The following ERICH2 variants were observed in gnomAD, a reference collection of about 807,000 sequenced individuals.
ERICH2 encodes the protein glutamate-rich protein 2.
A neutral mutation model predicts 17.4 loss-of-function variants in ERICH2; 17 were observed. The ratio of observed to expected loss-of-function variants is 0.98; its 90% CI spans 0.67 to 1.47. The LOEUF is 1.47. Ranked by LOEUF, ERICH2 falls within the 40% of genes most tolerant of loss-of-function variation. The probability of loss-of-function intolerance (pLI) is 0.00; values close to 1 mark genes in which losing one functional copy is unlikely to be tolerated. For synonymous variants in ERICH2, 51 were observed against 61.1 expected, an observed-to-expected ratio of 0.83 and a Z score of 0.77; for missense variants, 186 against 183.2, an observed-to-expected ratio of 1.01 and a Z score of -0.09.
upstream of ERICH2, chr2:170,782,265 T>A (rs1701046247): frequency 1.1e-6 from 1 of 947,608 alleles, no homozygotes; most frequent in African/African-American, 1.8e-5. Flanking sequence ...CTAAGAATAT[T>A]GCAAATAAAG....
intron 2 of ERICH2, among the ~76,000 whole-genome samples, chr2:170,786,024 A>G (rs573464630): frequency 3.9e-5 from 6 of 151,992 alleles, no homozygotes; most frequent in Non-Finnish European, 8.8e-5. Context: ...AAGCCCTTCA[A>G]TACATTATTT....
chr2:170,778,319 C>G, the ERICH2 span, among the ~76,000 whole-genome samples: 10 of 152,182 alleles, frequency 6.6e-5, no homozygotes, highest in Admixed American at 5.9e-4. Flanking sequence ...AAAATTACAG[C>G]TTGAAAGTTG....
chr2:170,787,427 T>TACTA (rs1452727226), intron 2 of ERICH2, among the ~76,000 whole-genome samples: 1 of 152,208 alleles, frequency 6.6e-6, no homozygotes, highest in African/African-American at 2.4e-5. Context: ...ATAAGGACAG[T>TACTA]ACTAAGGCAG....
chr2:170,795,205 T>C (rs1235227532), intron 3 of ERICH2, among the ~76,000 whole-genome samples: 2 of 152,164 alleles, frequency 1.3e-5, no homozygotes, highest in East Asian at 1.9e-4. Flanking sequence ...CTTGAACTGC[T>C]AGGCTCAAGT....
At chr2:170,783,878 G>C (rs1309008437) in intron 1 of ERICH2, 1 of 1,550,410 alleles carries the variant, frequency 6.4e-7, no homozygotes, top group Non-Finnish European at 8.7e-7. Context: ...TAGACAGATG[G>C]CCTGAATAAC....
chr2:170,780,922 A>G (rs1701010928), upstream of ERICH2, among the ~76,000 whole-genome samples: 2 of 152,244 alleles, frequency 1.3e-5, no homozygotes, highest in South Asian at 4.1e-4. Context: ...TGAATATTTC[A>G]GTGATTCTAC....
chr2:170,797,384 T>A (rs1701450793), intron 3 of ERICH2, among the ~76,000 whole-genome samples: 1 of 152,186 alleles, frequency 6.6e-6, no homozygotes, highest in Non-Finnish European at 1.5e-5. Flanking sequence ...AGTCTCCATA[T>A]TTTGCAGAAT....
At chr2:170,788,700 A>G (rs1276848243) in intron 2 of ERICH2, among the ~76,000 whole-genome samples, 3 of 152,022 alleles carry the variant, frequency 2.0e-5, no homozygotes, top group Non-Finnish European at 4.4e-5. Context: ...GATGGTCTCA[A>G]TCTCCTGACC....
chr2:170,777,801 C>G, the ERICH2 span: 1 of 525,714 alleles, frequency 1.9e-6, no homozygotes. Context: ...CATGGATTAG[C>G]ACTTCAGCTT....
chr2:170,772,424 A>G, the ERICH2 span, among the ~76,000 whole-genome samples: 45 of 152,286 alleles, frequency 3.0e-4, no homozygotes, highest in African/African-American at 1.0e-3. Context: ...AACCTTTGCA[A>G]TTTAACTCTA....
intron 3 of ERICH2, among the ~76,000 whole-genome samples, chr2:170,795,185 C>T (rs1185471577): frequency 6.6e-6 from 1 of 152,020 alleles, no homozygotes; most frequent in African/African-American, 2.4e-5. Flanking sequence ...GCCATATTCT[C>T]CAGGCTGGTC....
intron 3 of ERICH2, among the ~76,000 whole-genome samples, chr2:170,797,305 T>C (rs1244811906): frequency 6.6e-6 from 1 of 152,218 alleles, no homozygotes; most frequent in African/African-American, 2.4e-5. Flanking sequence ...AAGGATGTCA[T>C]GTAGATGGGT....
At chr2:170,773,450 C>T in the ERICH2 span, among the ~76,000 whole-genome samples, 2 of 152,222 alleles carry the variant, frequency 1.3e-5, no homozygotes, top group East Asian at 3.8e-4. Context: ...TATCTCCAGT[C>T]CTTGAGCCCA....
intron 2 of ERICH2, 104 bp downstream of exon 7, chr2:170,784,937 C>T: frequency 8.4e-6 from 8 of 955,808 alleles, no homozygotes; most frequent in Non-Finnish European, 8.6e-6. Flanking sequence ...AAGTAGATCT[C>T]ATGGAGGCAG....
intron 2 of ERICH2, among the ~76,000 whole-genome samples, chr2:170,788,477 T>TTTATC (rs1701206830): frequency 6.6e-6 from 1 of 151,738 alleles, no homozygotes; most frequent in East Asian, 1.9e-4. Flanking sequence ...ATTTTTAATT[T>TTTATC]TTATTTTATT....
chr2:170,796,423 TC>T (rs1442212902), intron 3 of ERICH2, among the ~76,000 whole-genome samples: 24 of 64,030 alleles, frequency 3.7e-4, no homozygotes, highest in South Asian at 1.7e-3. Context: ...TCTCTCTCTC[TC>T]TTTGTTTTTT....
intron 2 of ERICH2, among the ~76,000 whole-genome samples, chr2:170,792,172 G>T (rs542538860): frequency 1.3e-5 from 2 of 152,136 alleles, no homozygotes; most frequent in South Asian, 4.2e-4. Flanking sequence ...ACAATCCATG[G>T]TTTATTTTTT....
the ERICH2 span, chr2:170,771,134 G>C: frequency 1.3e-5 from 2 of 154,686 alleles, no homozygotes; most frequent in Non-Finnish European, 2.9e-5. The surrounding 1 kb of genome is among the most constrained non-coding windows in gnomAD (Gnocchi z 4.8). Flanking sequence ...AGCTAGCCGG[G>C]CTGGCTCTCG....
At chr2:170,784,200 A>G (rs1298435026) in intron 1 of ERICH2, among the ~76,000 whole-genome samples, 2 of 152,218 alleles carry the variant, frequency 1.3e-5, no homozygotes, top group Non-Finnish European at 2.9e-5. Context: ...TCAAACTGTG[A>G]AAGACTTCCA....
Sources: allele counts gnomAD v4.1 joint callset (sites outside exome capture counted in the v4.1 genomes callset), GRCh38; gene constraint gnomAD v4.1.1; non-coding constraint Gnocchi (gnomAD v3.1); transcripts MANE v1.5; gene names NCBI Gene and HGNC (gene_info 2026-07-23, HGNC 2026-07-21).